TUT1: variants seen among roughly 807,000 people sequenced by gnomAD.
The protein encoded by TUT1 is terminal uridylyl transferase 1, U6 snRNA-specific.
A neutral mutation model predicts 48.8 loss-of-function variants in TUT1; 26 were observed. The ratio of observed to expected loss-of-function variants is 0.53; its 90% CI spans 0.39 to 0.74. The LOEUF is 0.74. TUT1 is among the 30% of genes least tolerant of loss of function. The pLI is 0.00. For missense variants in TUT1, 1,065 were observed against 1,114.8 expected (o/e 0.96, Z 0.64); for synonymous variants, 470 against 460.8 (o/e 1.02, Z -0.26).
In TUT1 at chr11:62,578,954, C is replaced by T. The variant is rs1941779192; in HGVS notation, c.767G>A (p.Cys256Tyr). The T allele has an allele frequency of 6.5e-7, 1 of 1,544,348 alleles. No individual in the cohort carries two copies. Among genetic ancestry groups the T allele is most frequent in the African/African-American group, 1.4e-5 (1 of 72,702 alleles). ...ASPLDPQALA[C>Y]TPASPPDSQP... Reference sequence around the variant, plus strand: ...TGAATCTGGAGGGGAAGCTGGGGTGCAGGCCAGGGCTTGAGGGTCCAGTGG... The same window carrying T: ...TGAATCTGGAGGGGAAGCTGGGGTGTAGGCCAGGGCTTGAGGGTCCAGTGG... The change falls in exon 5 of 9, where the codon TGC becomes TAC. Residue 256 changes from cysteine (C) to tyrosine (Y), a missense_variant. Transcript: ENST00000476907.
chr11:62,581,672 G>A lies in TUT1; in HGVS notation c.303C>T (p.Asp101=), dbSNP rs1024344970. The change falls in exon 3 of 9, where the codon GAC becomes GAT. Residue 101 remains aspartate (D), a synonymous_variant. Coordinates refer to ENST00000476907, the MANE Select transcript of TUT1 (RefSeq NM_022830.3). ...ACAAGACAGCCTCTCGAGCACCCAC[G>A]TCCCCCATCTCCACAATGGCAAACA... The part of the protein sequence containing the change: ...KGVFAIVEMG[D]VGAREAVLSQ... The A allele has an allele frequency of 1.4e-5, 21 of 1,483,998 alleles. No individual in the cohort carries two copies. The highest frequency in any genetic ancestry group is 5.7e-5 in the African/African-American group (4 of 70,662). 91.9% of individuals were successfully genotyped at this position (1,483,998 alleles called of 1,614,324 possible).
intron 5 of TUT1, among the ~76,000 whole-genome samples, chr11:62,578,284 C>A (rs906800773): frequency 6.6e-6 from 1 of 152,022 alleles, no homozygotes; most frequent in Admixed American, 6.6e-5. Flanking sequence ...TGGTGCCTCA[C>A]GCCTGTAGTC....
At position 62,576,051 on chromosome 11, in the gene TUT1, G is replaced by A; in HGVS notation, c.1668C>T (p.Thr556=). 6.2e-7 allele frequency: 1 copy of A among 1,613,866 alleles called. No homozygotes were observed. The highest frequency in any genetic ancestry group is 1.1e-5 in the South Asian group (1 of 91,088). The change falls in exon 9 of 9, where the codon ACC becomes ACT. Residue 556 remains threonine (T), a synonymous_variant. Coordinates refer to ENST00000476907, the MANE Select transcript of TUT1 (RefSeq NM_022830.3). ...DLSHNVAANV[T]SRVAGRLQNC... ...TCTGTAGGCGCCCAGCCACCCGGCT[G>A]GTCACATTGGCTGCGACATTGTGAC...
rs1300068951 is a variant in TUT1 at position 62,578,842 on chromosome 11, G to A, written c.879C>T (p.Ala293=). The A allele has an allele frequency of 6.2e-7, 1 of 1,613,970 alleles. No homozygotes were observed. The highest frequency in any genetic ancestry group is 8.5e-7 in the Non-Finnish European group (1 of 1,179,900). The change falls in exon 5 of 9, where the codon GCC becomes GCT. Residue 293 remains alanine, a synonymous_variant. Transcript: ENST00000476907. Reference sequence around the variant, plus strand: ...GAGAAGCAAGGGTCTCGGAGGCCAAGGCAGAGTCCGGAGTTTGGGGCGCCA... The same window carrying A: ...GAGAAGCAAGGGTCTCGGAGGCCAAAGCAGAGTCCGGAGTTTGGGGCGCCA... ...SSLAPQTPDS[A]LASETLASPQ...
At chr11:62,591,178 A>G in intron 1 of TUT1, 1 of 462,216 alleles carries the variant, frequency 2.2e-6, no homozygotes, top group Non-Finnish European at 2.8e-6. Flanking sequence ...AGAAGTAATA[A>G]AACAATTAAA....
chr11:62,582,015 C>G (rs183397397), intron 2 of TUT1, among the ~76,000 whole-genome samples: 1 of 151,760 alleles, frequency 6.6e-6, no homozygotes, highest in South Asian at 2.1e-4. Flanking sequence ...TGGAGTCTTA[C>G]TCTGTCACCC....
At chr11:62,584,151 CAG>C (rs1484007371) in intron 2 of TUT1, among the ~76,000 whole-genome samples, 1 of 137,924 alleles carries the variant, frequency 7.3e-6, no homozygotes, top group Non-Finnish European at 1.5e-5. Context: ...TTTTTTGAGA[CAG>C]AGTGTCTCTG....
At position 62,575,537 on chromosome 11, in the gene TUT1, C is replaced by A; in HGVS notation, c.2182G>T (p.Gly728Trp). ...TGKHGAPGEE[G>W]QPSHAALAER... is the part of the protein sequence containing the mutation. Reference sequence around the variant, plus strand: ...GCCAGGGCTGCGTGGCTGGGCTGCCCCTCTTCTCCAGGGGCTCCATGCTTT... The same window carrying A: ...GCCAGGGCTGCGTGGCTGGGCTGCCACTCTTCTCCAGGGGCTCCATGCTTT... The change falls in exon 9 of 9, where the codon GGG becomes TGG. Residue 728 changes from glycine to tryptophan, a missense_variant. Gly to Trp is a radical substitution (Grantham distance 184). Coordinates refer to ENST00000476907, the MANE Select transcript of TUT1 (RefSeq NM_022830.3). 1 of 1,613,832 alleles carries A rather than the reference C, an allele frequency of 6.2e-7. No individual in the cohort carries two copies.
intron 2 of TUT1, among the ~76,000 whole-genome samples, chr11:62,586,700 G>C (rs1941921196): frequency 2.0e-5 from 3 of 152,034 alleles, no homozygotes; most frequent in Admixed American, 1.3e-4. Flanking sequence ...CGGATCACCT[G>C]AGGTCAGAAG....
intron 2 of TUT1, chr11:62,582,339 T>C (rs527897815): frequency 1.2e-4 from 23 of 197,308 alleles, no homozygotes; most frequent in Non-Finnish European, 2.5e-4. Context: ...GAGGATTGCT[T>C]GAGCCCGGGG....
intron 5 of TUT1, 126 bp downstream of exon 5, chr11:62,578,435 C>T (rs1462419568): frequency 2.3e-6 from 2 of 884,682 alleles, no homozygotes; most frequent in Non-Finnish European, 3.4e-6. Flanking sequence ...ATCCCAGCTA[C>T]TTGGGAGGCT....
At position 62,575,154 on chromosome 11, in the gene TUT1, G is replaced by C. The variant is rs147146917; in HGVS notation, c.2565C>G (p.Phe855Leu). 3 of 1,601,540 alleles carry C rather than the reference G, an allele frequency of 1.9e-6. No homozygotes were observed. In the African/African-American group the frequency reaches 4.0e-5, roughly 21 times the overall value. Residue 855 changes from phenylalanine to leucine, a missense_variant, in exon 9 of 9, where the codon TTC becomes TTG. Coordinates refer to ENST00000476907, the MANE Select transcript of TUT1 (RefSeq NM_022830.3). ...VTPLQDPQGLFPDLHHFLQVF... is the reference protein window; with the variant it reads ...VTPLQDPQGLLPDLHHFLQVF... ...CCTGTAAGAAATGATGGAGATCAGGGAACAGGCCTTGGGGATCCTGGAGCG... is the reference window on the plus strand; with the variant it reads ...CCTGTAAGAAATGATGGAGATCAGGCAACAGGCCTTGGGGATCCTGGAGCG...
In TUT1 at chr11:62,579,053, TG is replaced by T. The variant is rs903877989; in HGVS notation, c.691-24del. 2.4e-5 allele frequency: 35 copies of T among 1,476,436 alleles called. No homozygotes were observed. The African/African-American group carries it at 4.4e-4, about 18-fold the overall frequency. The allele number at this position is 1,476,436 out of a possible 1,614,324, so 91.5% of individuals were successfully genotyped here. A position where few individuals can be genotyped will look rare whatever the true frequency, so the allele number is the denominator to read the frequency against. On this transcript the variant is annotated intron_variant, in intron 4 of 8. Coordinates refer to ENST00000476907, the MANE Select transcript of TUT1 (RefSeq NM_022830.3). Reference sequence around the variant, plus strand: ...TGGCTGTGGACAGAAATGAACTGAGTGAAATGTTTCTGCTGTTCCCTAAGCA... The same window carrying T: ...TGGCTGTGGACAGAAATGAACTGAGTAAATGTTTCTGCTGTTCCCTAAGCA...
chr11:62,576,123 C>G lies in TUT1; in HGVS notation c.1596G>C (p.Glu532Asp). ...VAGGLPSNLW[E>D]GLRLGPLNLQ... ...GATTCAGGGGGCCAAGGCGCAGACC[C>G]TCCCAGAGATTAGAAGGCAGGCCCC... Residue 532 changes from glutamate to aspartate, a missense_variant, in exon 9 of 9, where the codon GAG becomes GAC. Transcript: ENST00000476907. 2 of 1,614,038 alleles carry G rather than the reference C, an allele frequency of 1.2e-6. No homozygotes were observed. The highest frequency in any genetic ancestry group is 2.2e-5 in the South Asian group (2 of 91,084).
Position 62,591,397 on chromosome 11 carries a change from C to A in TUT1, c.82+7G>T, listed in dbSNP as rs1365259333. The A allele has an allele frequency of 1.3e-6, 2 of 1,562,006 alleles. No homozygotes were observed. The highest frequency in any genetic ancestry group is 1.7e-6 in the Non-Finnish European group (2 of 1,153,908). ...CACCCCCGGGTCCCTCACTAGCCAC[C>A]GCTTACGGTTGGCTGTAGTAACGTG... On this transcript the variant is annotated splice_region_variant and intron_variant, in intron 1 of 8. Coordinates refer to ENST00000476907, the MANE Select transcript of TUT1 (RefSeq NM_022830.3).
rs779497642 is a variant in TUT1, at chr11:62,577,223, A to G, written c.1229T>C (p.Val410Ala). ...SELDGRVRPL[V>A]YTLRCWAQGR... ...CTGAGCCCAGCAGCGGAGGGTGTAC[A>G]CGAGGGGCCGGACTCGACCATCCAG... The change falls in exon 6 of 9, where the codon GTG (valine) becomes GCG (alanine). Residue 410 changes from valine to alanine, a missense_variant. By Grantham distance (64) the Val-to-Ala change is moderately conservative (BLOSUM62 0). Coordinates refer to ENST00000476907, the MANE Select transcript of TUT1 (RefSeq NM_022830.3). 1 of 1,611,722 alleles carries G rather than the reference A, an allele frequency of 6.2e-7. No homozygotes were observed. The highest frequency in any genetic ancestry group is 8.5e-7 in the Non-Finnish European group (1 of 1,179,296).
intron 2 of TUT1, among the ~76,000 whole-genome samples, chr11:62,582,206 TTCCTAAAC>T (rs1297438472): frequency 6.6e-6 from 1 of 151,910 alleles, no homozygotes; most frequent in African/African-American, 2.4e-5. Context: ...TGGTCTCTAA[TTCCTAAAC>T]TCCTAAACTC....
At chr11:62,590,502 T>A (rs1021670388) in intron 1 of TUT1, among the ~76,000 whole-genome samples, 2 of 151,938 alleles carry the variant, frequency 1.3e-5, no homozygotes, top group African/African-American at 4.8e-5. Flanking sequence ...CCGGGCGTGG[T>A]GGCGGGTGCC....
intron 4 of TUT1, among the ~76,000 whole-genome samples, chr11:62,579,498 C>T (rs774917180): frequency 6.6e-6 from 1 of 152,138 alleles, no homozygotes; most frequent in Non-Finnish European, 1.5e-5. Flanking sequence ...GCAACCTTCT[C>T]TCAGATGATT....
Sources: allele counts gnomAD v4.1 joint callset (sites outside exome capture counted in the v4.1 genomes callset), GRCh38; gene constraint gnomAD v4.1.1; transcripts MANE v1.5; gene names NCBI Gene and HGNC (gene_info 2026-07-23, HGNC 2026-07-21).